Variants in PLD5 observed in about 807,000 individuals in gnomAD.
PLD5 encodes phospholipase D family member 5.
PLD5 carries 36 observed loss-of-function variants against 61.1 expected under a neutral mutation model. The observed-to-expected ratio is 0.59, with a 90% CI of 0.45 to 0.78. PLD5 has a LOEUF of 0.78. Among genes scored for constraint, PLD5 ranks in the 30% least tolerant of loss-of-function variants. The probability of loss-of-function intolerance (pLI) is 0.00; values close to 1 mark genes in which losing one functional copy is unlikely to be tolerated. For synonymous variants in PLD5, 243 were observed against 242.8 expected, an observed-to-expected ratio of 1.00 and a Z score of -0.01; for missense variants, 515 against 644.4, an observed-to-expected ratio of 0.80 and a Z score of 2.17.
At chr1:242,134,629 C>T (rs1558257942) in intron 5 of PLD5, among the ~76,000 whole-genome samples, 1 of 152,176 alleles carries the variant, frequency 6.6e-6, no homozygotes, top group Admixed American at 6.5e-5. Flanking sequence ...TCCTCTTGCC[C>T]CAGAGAAATG....
intron 2 of PLD5, among the ~76,000 whole-genome samples, chr1:242,320,786 C>T (rs1192447406): frequency 6.6e-6 from 1 of 152,184 alleles, no homozygotes; most frequent in Non-Finnish European, 1.5e-5. Flanking sequence ...AGCTCAAAAT[C>T]TAATAGCAGG....
intron 8 of PLD5, 65 bp downstream of exon 8, chr1:242,107,606 A>C (rs554163716): frequency 2.7e-5 from 38 of 1,417,516 alleles, no homozygotes; most frequent in Non-Finnish European, 3.1e-5. Flanking sequence ...GTATGCTTGC[A>C]GCTTTCACAC....
chr1:242,487,860 T>C (rs1279866115), intron 1 of PLD5, among the ~76,000 whole-genome samples: 1 of 152,206 alleles, frequency 6.6e-6, no homozygotes, highest in African/African-American at 2.4e-5. Flanking sequence ...ATGTATATCA[T>C]TTTGTAGGTT....
Position 242,107,719 on chromosome 1 carries a change from T to C in PLD5, c.1191A>G (p.Ser397=), listed in dbSNP as rs370248364. Reference sequence around the variant, plus strand: ...TTTCAGTGCAAATCGCTTTAAGAGATGAAATAAAGTTAAACGTAAGGGGAT... The same window carrying C: ...TTTCAGTGCAAATCGCTTTAAGAGACGAAATAAAGTTAAACGTAAGGGGAT... ...ETDPLTFNFI[S]SLKAICTEIA... The change falls in exon 8 of 10, where the codon TCA becomes TCG. Residue 397 remains serine, a synonymous_variant. Transcript: ENST00000536534. 3.1e-6 allele frequency: 5 copies of C among 1,607,074 alleles called. No homozygotes were observed. The highest frequency in any genetic ancestry group is 2.7e-5 in the African/African-American group (2 of 74,590).
At chr1:242,193,158 C>T (rs879312329) in intron 5 of PLD5, among the ~76,000 whole-genome samples, 9 of 152,008 alleles carry the variant, frequency 5.9e-5, no homozygotes, top group Non-Finnish European at 1.3e-4. Context: ...CCTGACTCTC[C>T]CTTAATACTG....
intron 4 of PLD5, among the ~76,000 whole-genome samples, chr1:242,231,575 G>A (rs1671302823): frequency 6.6e-6 from 1 of 152,138 alleles, no homozygotes. Context: ...CAGCTTAGAG[G>A]AGGCTCACCA....
At chr1:242,380,843 A>G (rs1160507353) in intron 1 of PLD5, among the ~76,000 whole-genome samples, 1 of 152,220 alleles carries the variant, frequency 6.6e-6, no homozygotes, top group Non-Finnish European at 1.5e-5. Flanking sequence ...CAAAACCACA[A>G]TGAGATGTCA....
At chr1:242,223,851 T>TAGAG (rs34987274) in intron 4 of PLD5, among the ~76,000 whole-genome samples, 118 of 144,344 alleles carry the variant, frequency 8.2e-4, no homozygotes, top group East Asian at 3.9e-3. Flanking sequence ...TATATATAAA[T>TAGAG]AGAGAGAGAG....
At chr1:242,369,805 A>G (rs1009961817) in intron 1 of PLD5, among the ~76,000 whole-genome samples, 31 of 152,280 alleles carry the variant, frequency 2.0e-4, no homozygotes, top group Middle Eastern at 3.4e-3. Flanking sequence ...CAATTTTCCT[A>G]AGACACAGCT....
At chr1:242,393,225 A>T (rs1188975832) in intron 1 of PLD5, among the ~76,000 whole-genome samples, 1 of 92,614 alleles carries the variant, frequency 1.1e-5, no homozygotes, top group African/African-American at 4.9e-5. Context: ...TATATATATG[A>T]GTATATATAT....
chr1:242,284,294 C>T lies in PLD5; in HGVS notation c.495+4068G>A, dbSNP rs192583926. Among the ~76,000 whole-genome samples the T allele has an allele frequency of 2.1e-3, 317 of 151,970 alleles. 1 individual carries two copies. Among genetic ancestry groups the T allele is most frequent in the African/African-American group, 6.5e-3 (271 of 41,460 alleles). On this transcript the variant is annotated intron_variant, in intron 3 of 9. Transcript: ENST00000536534. ...CTGGGATTACAGGCATGTGCCACCACGCCCAGCTAATTTTGCATTTTTAGT... is the reference window on the plus strand; with the variant it reads ...CTGGGATTACAGGCATGTGCCACCATGCCCAGCTAATTTTGCATTTTTAGT...
chr1:242,268,913 G>A (rs533764401), intron 3 of PLD5, among the ~76,000 whole-genome samples: 1 of 152,170 alleles, frequency 6.6e-6, no homozygotes, highest in East Asian at 1.9e-4. Flanking sequence ...TGTGATCTCG[G>A]CTCACTGCAA....
intron 1 of PLD5, among the ~76,000 whole-genome samples, chr1:242,444,668 T>C (rs1391559172): frequency 1.4e-5 from 2 of 146,698 alleles, no homozygotes; most frequent in South Asian, 4.2e-4. Flanking sequence ...TTAATTATAC[T>C]ATACATAATA....
At chr1:242,337,135 G>A (rs1384422738) in intron 2 of PLD5, among the ~76,000 whole-genome samples, 2 of 151,746 alleles carry the variant, frequency 1.3e-5, no homozygotes, top group East Asian at 1.9e-4. Context: ...GCTGCCCAGC[G>A]AGGGCCAGGC....
intron 5 of PLD5, among the ~76,000 whole-genome samples, chr1:242,133,031 C>T (rs1386870174): frequency 4.6e-5 from 7 of 151,586 alleles, no homozygotes; most frequent in Non-Finnish European, 1.0e-4. Flanking sequence ...CTCTTCCCAC[C>T]CCCGCACACC....
intron 5 of PLD5, among the ~76,000 whole-genome samples, chr1:242,153,232 T>C (rs1364859754): frequency 1.3e-5 from 2 of 152,200 alleles, no homozygotes; most frequent in African/African-American, 4.8e-5. Context: ...GGAAATTCTT[T>C]GTAGATTCTG....
intron 5 of PLD5, among the ~76,000 whole-genome samples, chr1:242,164,247 T>C (rs1290765392): frequency 6.6e-6 from 1 of 152,134 alleles, no homozygotes; most frequent in Non-Finnish European, 1.5e-5. Flanking sequence ...AAATAAAATC[T>C]TCCTCAACCC....
chr1:242,180,065 AGCAGGGTAATGCTTAT>A (rs1457131419), intron 5 of PLD5, among the ~76,000 whole-genome samples: 1 of 152,202 alleles, frequency 6.6e-6, no homozygotes, highest in East Asian at 1.9e-4. Context: ...ATTTAAACAT[AGCAGGGTAATGCTTAT>A]GCAGGGTAGT....
intron 1 of PLD5, among the ~76,000 whole-genome samples, chr1:242,490,556 G>T (rs1200224617): frequency 6.6e-6 from 1 of 152,106 alleles, no homozygotes; most frequent in Non-Finnish European, 1.5e-5. Flanking sequence ...TTCACTGAAT[G>T]TCTAGGTTCC....
Sources: gnomAD v4.1 joint callset for allele counts (sites outside exome capture counted in the v4.1 genomes callset) on GRCh38, gnomAD v4.1.1 for gene constraint, MANE v1.5 for transcripts, NCBI Gene and HGNC (gene_info 2026-07-23, HGNC 2026-07-21) for gene names.